The following TOP6BL variants were observed in gnomAD, a reference collection of about 807,000 sequenced individuals.
TOP6BL encodes type 2 DNA topoisomerase 6 subunit B-like.
chr11:66,786,517 G>A, the TOP6BL span, among the ~76,000 whole-genome samples: 1 of 152,004 alleles, frequency 6.6e-6, no homozygotes, highest in Non-Finnish European at 1.5e-5. Context: ...TTGTGTGTGT[G>A]GAGTGAGACT....
At chr11:66,820,365 GA>G in the TOP6BL span, among the ~76,000 whole-genome samples, 1 of 152,132 alleles carries the variant, frequency 6.6e-6, no homozygotes, top group South Asian at 2.1e-4. Flanking sequence ...GCTTCCCATA[GA>G]ATTCTGAACA....
the TOP6BL span, among the ~76,000 whole-genome samples, chr11:66,750,197 A>AT: frequency 0.011 from 1,643 of 151,752 alleles, 38 homozygotes; most frequent in African/African-American, 0.037. Flanking sequence ...GATCTATTTC[A>AT]TTTTTTTTGT....
chr11:66,814,922 A>G, the TOP6BL span, among the ~76,000 whole-genome samples: 217 of 152,300 alleles, frequency 1.4e-3, no homozygotes, highest in Non-Finnish European at 2.7e-3. Context: ...AGCTAATAAA[A>G]CTGGGAAATT....
chr11:66,816,204 G>A, the TOP6BL span: 6 of 1,606,124 alleles, frequency 3.7e-6, no homozygotes, highest in African/African-American at 1.3e-5. Flanking sequence ...TCTGGGGTAA[G>A]TATAAGAGAA....
At chr11:66,824,813 A>G in the TOP6BL span, among the ~76,000 whole-genome samples, 1 of 151,930 alleles carries the variant, frequency 6.6e-6, no homozygotes, top group Non-Finnish European at 1.5e-5. Flanking sequence ...TCCATGGTGT[A>G]TATGTGCCAC....
the TOP6BL span, among the ~76,000 whole-genome samples, chr11:66,826,981 C>CTTTT: frequency 1.1e-5 from 1 of 95,042 alleles, no homozygotes; most frequent in East Asian, 3.1e-4. Context: ...CCACACCTGG[C>CTTTT]TTTTTTTTTT....
chr11:66,777,752 G>C, the TOP6BL span, among the ~76,000 whole-genome samples: 1 of 151,960 alleles, frequency 6.6e-6, no homozygotes, highest in Non-Finnish European at 1.5e-5. Context: ...ATAGCCTGTA[G>C]TCCCAGCTAC....
the TOP6BL span, among the ~76,000 whole-genome samples, chr11:66,823,653 C>G: frequency 6.6e-6 from 1 of 151,974 alleles, no homozygotes; most frequent in African/African-American, 2.4e-5. Context: ...AACCCCGTCT[C>G]TACTAAAAAT....
chr11:66,781,987 C>T, the TOP6BL span, among the ~76,000 whole-genome samples: 6 of 152,124 alleles, frequency 3.9e-5, no homozygotes, highest in Non-Finnish European at 1.5e-5. Flanking sequence ...AATTTTTGCT[C>T]TAGTAGGCTA....
the TOP6BL span, among the ~76,000 whole-genome samples, chr11:66,809,226 A>C: frequency 6.6e-6 from 1 of 152,252 alleles, no homozygotes; most frequent in Non-Finnish European, 1.5e-5. Flanking sequence ...ACACCTAAAG[A>C]GATGAAAAAC....
At chr11:66,829,166 A>C in the TOP6BL span, among the ~76,000 whole-genome samples, 1 of 151,338 alleles carries the variant, frequency 6.6e-6, no homozygotes, top group Non-Finnish European at 1.5e-5. Context: ...CAGGTGGATC[A>C]CTTGAAGCCA....
the TOP6BL span, among the ~76,000 whole-genome samples, chr11:66,755,067 T>A: frequency 6.6e-6 from 1 of 152,122 alleles, no homozygotes; most frequent in African/African-American, 2.4e-5. Context: ...ATACTTAGAT[T>A]ACTCAGGTCT....
chr11:66,788,880 A>C, the TOP6BL span, among the ~76,000 whole-genome samples: 35 of 152,290 alleles, frequency 2.3e-4, no homozygotes, highest in African/African-American at 7.0e-4. Context: ...CCTGCCGAGT[A>C]GCTGGTAGCT....
the TOP6BL span, among the ~76,000 whole-genome samples, chr11:66,771,965 A>G: frequency 6.6e-6 from 1 of 152,352 alleles, no homozygotes; most frequent in East Asian, 1.9e-4. Flanking sequence ...ATAAGACTAT[A>G]GCTGCCATAG....
chr11:66,814,938 A>G, the TOP6BL span, among the ~76,000 whole-genome samples: 1 of 152,244 alleles, frequency 6.6e-6, no homozygotes, highest in East Asian at 1.9e-4. Flanking sequence ...AAATTGGAGT[A>G]TGCGACCATG....
the TOP6BL span, chr11:66,756,243 A>G: frequency 4.1e-6 from 4 of 981,096 alleles, no homozygotes; most frequent in Non-Finnish European, 4.8e-6. Flanking sequence ...AAGTTTTTAA[A>G]CTATAGGTCT....
the TOP6BL span, among the ~76,000 whole-genome samples, chr11:66,773,552 CA>C: frequency 6.6e-6 from 1 of 152,032 alleles, no homozygotes; most frequent in Non-Finnish European, 1.5e-5. Context: ...TTTCCTTGAT[CA>C]GTCTGGCTAG....
chr11:66,755,121 A>ATTTTTTT, the TOP6BL span, among the ~76,000 whole-genome samples: 1 of 140,748 alleles, frequency 7.1e-6, no homozygotes, highest in Non-Finnish European at 1.5e-5. Context: ...TAGTTTCTAG[A>ATTTTTTT]TTTTTTTTTT....
chr11:66,744,819 G>GGGCGGCGGCGGAGGGGGC, the TOP6BL span: 1 of 1,230,232 alleles, frequency 8.1e-7, no homozygotes, highest in Non-Finnish European at 1.0e-6. Flanking sequence ...GCTGAGGAGG[G>GGGCGGCGGCGGAGGGGGC]GGCGGCGGCG....
Sources: gnomAD v4.1 joint callset for allele counts (sites outside exome capture counted in the v4.1 genomes callset) on GRCh38, gnomAD v4.1.1 for gene constraint, MANE v1.5 for transcripts, NCBI Gene and HGNC (gene_info 2026-07-23, HGNC 2026-07-21) for gene names.